The following BCAS3 variants were observed in gnomAD, a reference collection of about 807,000 sequenced individuals.
BCAS3 encodes the protein BCAS3 microtubule associated cell migration factor, also known as BCAS4/BCAS3 fusion.
BCAS3 carries 53 observed loss-of-function variants against 116.1 expected under a neutral mutation model. That is an observed-to-expected ratio of 0.46 (90% CI 0.37 to 0.57). The LOEUF is 0.57. Among genes scored for constraint, BCAS3 ranks in the 20% least tolerant of loss-of-function variants. The pLI, the probability that BCAS3 is intolerant of heterozygous loss-of-function variation, is 0.00. For missense variants in BCAS3, 917 were observed against 1,165.4 expected, an observed-to-expected ratio of 0.79 and a Z score of 3.10; for synonymous variants, 391 against 408.2, an observed-to-expected ratio of 0.96 and a Z score of 0.51.
At position 61,136,654 on chromosome 17, in the gene BCAS3, G is replaced by C. The variant is rs1033098088; in HGVS notation, c.2425+52090G>C. Reference sequence around the variant, plus strand: ...AGCTCACTGCAACCTCTGCCTCCCAGGTTCAAGCAATTCTTATACCTCAGC... The same window carrying C: ...AGCTCACTGCAACCTCTGCCTCCCACGTTCAAGCAATTCTTATACCTCAGC... On this transcript the variant is annotated intron_variant, in intron 22 of 23. Transcript: ENST00000407086. The surrounding 1 kb of genome is among the most constrained non-coding windows in gnomAD (Gnocchi z 4.4). Among the ~76,000 whole-genome samples, 2 of 152,186 alleles carry C rather than the reference G, an allele frequency of 1.3e-5. No individual in the cohort carries two copies. The highest frequency in any genetic ancestry group is 4.8e-5 in the African/African-American group (2 of 41,448).
In BCAS3 at chr17:61,026,849, C is replaced by T. The variant is rs774303720; in HGVS notation, c.1638-7817C>T. 3 of 1,588,960 alleles carry T rather than the reference C, an allele frequency of 1.9e-6. No individual in the cohort carries two copies. Among genetic ancestry groups the T allele is most frequent in the African/African-American group, 1.3e-5 (1 of 74,362 alleles). ...TTTCTCTAATTTTTTGTGCATTTTT[C>T]CCCCTTTTCCATGAAGGCCTTATCT... is the stretch of plus-strand genomic sequence containing the variant. On this transcript the variant is annotated intron_variant, in intron 16 of 23. Coordinates refer to ENST00000407086, the MANE Select transcript of BCAS3 (RefSeq NM_017679.5). This position sits in a 1 kb window ranked among gnomAD's most constrained non-coding sequence, Gnocchi z 5.0.
At chr17:61,030,809 A>AT (rs2066577785) in intron 16 of BCAS3, among the ~76,000 whole-genome samples, 1 of 151,470 alleles carries the variant, frequency 6.6e-6, no homozygotes, top group Admixed American at 6.6e-5. Context: ...TTTTTCTTTT[A>AT]TTTTTTGCTC....
chr17:60,701,490 C>G (rs778588759), intron 4 of BCAS3, among the ~76,000 whole-genome samples: 1 of 152,010 alleles, frequency 6.6e-6, no homozygotes, highest in Non-Finnish European at 1.5e-5. Context: ...TTTAGTTATA[C>G]CCAAACTTTT....
intron 8 of BCAS3, among the ~76,000 whole-genome samples, chr17:60,871,630 G>A (rs1253459604): frequency 1.3e-5 from 2 of 149,096 alleles, no homozygotes; most frequent in Non-Finnish European, 3.0e-5. Context: ...TGCATAACCA[G>A]GCATTGTATT....
rs781663925 is a variant in BCAS3 at position 60,692,822 on chromosome 17, G to GAGGTGGAGGATCGTTTGAACCCAGT, written c.214+3070_214+3071insATCGTTTGAACCCAGTAGGTGGAGG. ...GAGGAGGAGAATCGTTTGAACCCAG[G>GAGGTGGAGGATCGTTTGAACCCAGT]AGGTGGAGGTTACAATGAACCAAGA... is the stretch of plus-strand genomic sequence containing the variant. On this transcript the variant is annotated intron_variant, in intron 4 of 23. Coordinates refer to ENST00000407086, the MANE Select transcript of BCAS3 (RefSeq NM_017679.5). Among the ~76,000 whole-genome samples, 10 of 151,900 alleles carry GAGGTGGAGGATCGTTTGAACCCAGT rather than the reference G, an allele frequency of 6.6e-5. 1 individual carries two copies. Among genetic ancestry groups the GAGGTGGAGGATCGTTTGAACCCAGT allele is most frequent in the Admixed American group, 6.6e-4 (10 of 15,240 alleles).
chr17:60,997,842 A>G (rs1338487692), intron 15 of BCAS3, among the ~76,000 whole-genome samples: 1 of 151,990 alleles, frequency 6.6e-6, no homozygotes, highest in East Asian at 1.9e-4. Context: ...CTTTCTGCCT[A>G]TTATTATTGG....
At chr17:60,939,889 C>T (rs1333429543) in intron 13 of BCAS3, among the ~76,000 whole-genome samples, 2 of 152,102 alleles carry the variant, frequency 1.3e-5, no homozygotes, top group African/African-American at 4.8e-5. Flanking sequence ...AATGAGAACA[C>T]ATGTACGTAG....
chr17:60,739,788 T>A (rs2041345428), intron 5 of BCAS3, among the ~76,000 whole-genome samples: 1 of 152,138 alleles, frequency 6.6e-6, no homozygotes. Flanking sequence ...ACAAATTCCC[T>A]CGGTTCCTGT....
rs2073223672 is a variant in BCAS3 at position 61,087,999 on chromosome 17, T to C, written c.2425+3435T>C. Among the ~76,000 whole-genome samples the C allele has an allele frequency of 6.6e-6, 1 of 152,112 alleles. No homozygotes were observed. The highest frequency in any genetic ancestry group is 2.1e-4 in the South Asian group (1 of 4,814). On this transcript the variant is annotated intron_variant, in intron 22 of 23. Transcript: ENST00000407086. The surrounding 1 kb of genome is among the most constrained non-coding windows in gnomAD (Gnocchi z 4.6). ...GTGTTTGAGACCAGCCTGGCTAACA[T>C]GGCAAAACCCCGTCCCTAATAAAAA...
At chr17:61,254,777 G>A (rs376281611) in intron 22 of BCAS3, among the ~76,000 whole-genome samples, 87 of 73,526 alleles carry the variant, frequency 1.2e-3, no homozygotes, top group Admixed American at 1.4e-3. Context: ...CTCCGTCTCA[G>A]AAAAAAAAAA....
At chr17:61,164,689 C>G (rs1444009823) in intron 22 of BCAS3, among the ~76,000 whole-genome samples, 1 of 152,178 alleles carries the variant, frequency 6.6e-6, no homozygotes, top group Non-Finnish European at 1.5e-5. Flanking sequence ...TAGAATGACC[C>G]TCACCAGAGC....
intron 7 of BCAS3, among the ~76,000 whole-genome samples, chr17:60,809,869 T>C (rs564062667): frequency 3.9e-5 from 6 of 152,210 alleles, no homozygotes; most frequent in South Asian, 2.1e-4. Flanking sequence ...CTAAGATACA[T>C]AGATGCATGG....
intron 23 of BCAS3, among the ~76,000 whole-genome samples, chr17:61,370,706 A>G (rs1009821444): frequency 1.3e-5 from 2 of 152,216 alleles, no homozygotes; most frequent in African/African-American, 4.8e-5. Flanking sequence ...TCCCATTTTA[A>G]AGGCCAGTAA....
chr17:60,798,310 GTTAAAAC>G (rs1278489237), intron 6 of BCAS3, among the ~76,000 whole-genome samples: 1 of 152,180 alleles, frequency 6.6e-6, no homozygotes, highest in Non-Finnish European at 1.5e-5. Flanking sequence ...AAAAGTTTCA[GTTAAAAC>G]TTAAAACTTA....
At chr17:60,780,267 C>T (rs138662947) in intron 6 of BCAS3, among the ~76,000 whole-genome samples, 1,977 of 150,832 alleles carry the variant, frequency 0.013, 44 homozygotes, top group African/African-American at 0.045. Context: ...GGATTACAGG[C>T]GTGAGCCACC....
In BCAS3 at chr17:61,389,000, TCA is replaced by T. The variant is rs1464127165; in HGVS notation, c.2594-2976_2594-2975del. 1 of 273,290 alleles carries T rather than the reference TCA, an allele frequency of 3.7e-6. No homozygotes were observed. 16.9% of individuals were successfully genotyped at this position (273,290 alleles called of 1,614,324 possible). A position where few individuals can be genotyped will look rare whatever the true frequency, so the allele number is the denominator to read the frequency against. ...TTCATTCATTCATTCATTCATTCATTCATGCTAGAAATGTTTAGGGCACCCAT... is the reference window on the plus strand; with the variant it reads ...TTCATTCATTCATTCATTCATTCATTTGCTAGAAATGTTTAGGGCACCCAT... On this transcript the variant is annotated intron_variant, in intron 23 of 23. Transcript: ENST00000407086. This position sits in a 1 kb window ranked among gnomAD's most constrained non-coding sequence, Gnocchi z 6.5.
intron 6 of BCAS3, among the ~76,000 whole-genome samples, chr17:60,804,092 T>C (rs138212271): frequency 0.026 from 3,968 of 150,666 alleles, 183 homozygotes; most frequent in African/African-American, 0.092. Flanking sequence ...AGTGAGCCAC[T>C]GCGCCCGGCC....
Position 61,258,791 on chromosome 17 carries a change from A to G in BCAS3, c.2426-109536A>G, listed in dbSNP as rs1424959685. Among the ~76,000 whole-genome samples, 6 of 152,236 alleles carry G rather than the reference A, an allele frequency of 3.9e-5. No homozygotes were observed. Among genetic ancestry groups the G allele is most frequent in the African/African-American group, 1.4e-4 (6 of 41,466 alleles). On this transcript the variant is annotated intron_variant, in intron 22 of 23. Transcript: ENST00000407086. The surrounding 1 kb of genome is among the most constrained non-coding windows in gnomAD (Gnocchi z 4.7). ...CCAGGCATCACTCTGTGGAAGAACC[A>G]CAGAACACTAGCTAAATATTGACAA...
At chr17:60,851,241 A>T (rs1036588023) in intron 7 of BCAS3, 1 of 227,140 alleles carries the variant, frequency 4.4e-6, no homozygotes, top group Non-Finnish European at 9.2e-6. Context: ...AAAATGAACA[A>T]TCCTATTAAA....
Sources: gnomAD v4.1 joint callset for allele counts (sites outside exome capture counted in the v4.1 genomes callset) on GRCh38, gnomAD v4.1.1 for gene constraint, Gnocchi (gnomAD v3.1) non-coding constraint, MANE v1.5 for transcripts, NCBI Gene and HGNC (gene_info 2026-07-23, HGNC 2026-07-21) for gene names.